The following PSMD1 variants were observed in gnomAD, a reference collection of about 807,000 sequenced individuals.
PSMD1 encodes the protein proteasome 26S subunit, non-ATPase 1.
PSMD1 carries 18 observed loss-of-function variants against 119.0 expected under a neutral mutation model. That is an observed-to-expected ratio of 0.15 (90% CI 0.10 to 0.22). PSMD1 has a LOEUF of 0.22. Among genes scored for constraint, PSMD1 ranks in the 10% least tolerant of loss-of-function variants. The pLI is 1.00. For synonymous variants in PSMD1, 374 were observed against 396.6 expected (o/e 0.94, Z 0.68); for missense variants, 702 against 1,158.5 (o/e 0.61, Z 5.72).
intron 23 of PSMD1, among the ~76,000 whole-genome samples, chr2:231,168,402 A>C (rs1696837599): frequency 6.6e-6 from 1 of 152,246 alleles, no homozygotes; most frequent in African/African-American, 2.4e-5. Context: ...AAACGGAAAC[A>C]ACTTAAATGT....
chr2:231,088,335 G>C (rs1333191476), intron 16 of PSMD1, among the ~76,000 whole-genome samples: 1 of 152,162 alleles, frequency 6.6e-6, no homozygotes, highest in Non-Finnish European at 1.5e-5. Context: ...TCTTAGCTAA[G>C]ATACAAGCAT....
chr2:231,150,541 T>A (rs988937736), intron 18 of PSMD1, among the ~76,000 whole-genome samples: 1 of 152,086 alleles, frequency 6.6e-6, no homozygotes, highest in African/African-American at 2.4e-5. Flanking sequence ...CAAGACTCAT[T>A]TGGATGCAAT....
At chr2:231,154,375 A>T (rs144343758) in intron 19 of PSMD1, among the ~76,000 whole-genome samples, 1 of 152,338 alleles carries the variant, frequency 6.6e-6, no homozygotes, top group East Asian at 1.9e-4. Flanking sequence ...CTGAGGTTGC[A>T]GTGAACCGAG....
At chr2:231,083,857 T>C in intron 14 of PSMD1, 94 bp downstream of exon 14, 1 of 1,233,078 alleles carries the variant, frequency 8.1e-7, no homozygotes, top group Non-Finnish European at 1.1e-6. Context: ...CATCAGAACA[T>C]GTAGGTACAC....
At chr2:231,128,591 C>G (rs748906899) in intron 16 of PSMD1, among the ~76,000 whole-genome samples, 1 of 152,224 alleles carries the variant, frequency 6.6e-6, no homozygotes, top group Non-Finnish European at 1.5e-5. Context: ...TTCTTTTCAT[C>G]CATCCTATCC....
At chr2:231,161,636 C>A in intron 20 of PSMD1, 127 bp downstream of exon 20, 1 of 1,079,812 alleles carries the variant, frequency 9.3e-7, no homozygotes, top group Non-Finnish European at 1.3e-6. Context: ...TAACATTTTC[C>A]CTTCAAGTTG....
Position 231,057,008 on chromosome 2 carries a change from CGAGT to C in PSMD1, c.-14_-11del. The C allele has an allele frequency of 5.8e-6, 9 of 1,539,844 alleles. No homozygotes were observed. Among genetic ancestry groups the C allele is most frequent in the Non-Finnish European group, 7.9e-6 (9 of 1,144,280 alleles). ...CTGGAACGGCGAGCGAGCCGACGGG[CGAGT>C]GAGGGGCGCAGCCATGATCACCTCG... On this transcript the variant is annotated 5_prime_UTR_variant, in exon 1 of 25. Transcript: ENST00000308696.
chr2:231,081,854 C>G lies in PSMD1; in HGVS notation c.1414-1029C>G, dbSNP rs185135669. On this transcript the variant is annotated intron_variant, in intron 12 of 24. Transcript: ENST00000308696. ...GTTCCATTAGATACCTTTTTCTCCT[C>G]TGTCTTTAGCCTCTCACTCTGTACT... 2.3e-4 allele frequency among the ~76,000 whole-genome samples: 35 copies of G among 152,318 alleles called. No individual in the cohort carries two copies. In the East Asian group the frequency reaches 6.6e-3, roughly 29 times the overall value.
chr2:231,158,859 G>A (rs910459779), intron 19 of PSMD1, among the ~76,000 whole-genome samples: 45 of 152,250 alleles, frequency 3.0e-4, no homozygotes, highest in African/African-American at 9.1e-4. Flanking sequence ...GGGGGTTAGC[G>A]TAGGGAAGAG....
intron 9 of PSMD1, among the ~76,000 whole-genome samples, chr2:231,077,511 A>C (rs1415971677): frequency 6.6e-6 from 1 of 152,048 alleles, no homozygotes; most frequent in Non-Finnish European, 1.5e-5. Context: ...AACTCTGTGG[A>C]GTGTACTTTC....
chr2:231,165,803 A>C (rs1406342330), intron 22 of PSMD1, 68 bp from the exon 23 acceptor site: 2 of 1,347,468 alleles, frequency 1.5e-6, no homozygotes, highest in African/African-American at 1.5e-5. Flanking sequence ...AGTCAACTTC[A>C]GATGTTACTC....
intron 17 of PSMD1, among the ~76,000 whole-genome samples, chr2:231,139,606 T>G (rs531348161): frequency 6.6e-6 from 1 of 151,210 alleles, no homozygotes; most frequent in African/African-American, 2.4e-5. Flanking sequence ...TAAAATAGTT[T>G]TTGTTGTTGT....
chr2:231,139,251 G>A (rs1266149951), intron 17 of PSMD1, among the ~76,000 whole-genome samples: 4 of 150,722 alleles, frequency 2.7e-5, no homozygotes, highest in African/African-American at 7.3e-5. Flanking sequence ...TGATCCACCC[G>A]CCTTGGCCTC....
chr2:231,109,826 T>C (rs1695094666), intron 16 of PSMD1, among the ~76,000 whole-genome samples: 1 of 152,232 alleles, frequency 6.6e-6, no homozygotes, highest in Non-Finnish European at 1.5e-5. Context: ...AGAGTACATT[T>C]ATTCAATATC....
chr2:231,165,087 T>A (rs1696744705), intron 21 of PSMD1, 113 bp from the exon 22 acceptor site: 1 of 142,844 alleles, frequency 7.0e-6, no homozygotes, highest in African/African-American at 4.1e-5. Context: ...TATATATATA[T>A]ATATGTAATA....
chr2:231,098,164 C>T (rs972076943), intron 16 of PSMD1, among the ~76,000 whole-genome samples: 1 of 152,172 alleles, frequency 6.6e-6, no homozygotes. Flanking sequence ...GGGCCATCCA[C>T]GGGTTACTGG....
chr2:231,147,523 A>G (rs193242331), intron 18 of PSMD1, among the ~76,000 whole-genome samples: 1 of 152,304 alleles, frequency 6.6e-6, no homozygotes, highest in Admixed American at 6.5e-5. Flanking sequence ...TTATCTCATG[A>G]TAATCTCTCA....
At chr2:231,125,623 G>T (rs1695699819) in intron 16 of PSMD1, among the ~76,000 whole-genome samples, 1 of 152,168 alleles carries the variant, frequency 6.6e-6, no homozygotes, top group Admixed American at 6.5e-5. Flanking sequence ...ATGATCTCTG[G>T]GTTTAGGAGT....
At chr2:231,165,378 T>C (rs1696753157) in intron 22 of PSMD1, 92 bp downstream of exon 22, 3 of 1,345,332 alleles carry the variant, frequency 2.2e-6, no homozygotes, top group Non-Finnish European at 2.9e-6. Flanking sequence ...TCTACCTTGC[T>C]CTTGGCTTCC....
Sources: gnomAD v4.1 joint callset for allele counts (sites outside exome capture counted in the v4.1 genomes callset) on GRCh38, gnomAD v4.1.1 for gene constraint, MANE v1.5 for transcripts, NCBI Gene and HGNC (gene_info 2026-07-23, HGNC 2026-07-21) for gene names.